CDH12: variants seen among roughly 807,000 people sequenced by gnomAD.
The protein encoded by CDH12 is cadherin 12, also known as cadherin-12.
A neutral mutation model predicts 74.1 loss-of-function variants in CDH12; 41 were observed. The ratio of observed to expected loss-of-function variants is 0.55; its 90% CI spans 0.43 to 0.72. The LOEUF (loss-of-function observed/expected upper bound fraction) is 0.72. CDH12 is among the 30% of genes least tolerant of loss of function. The pLI, the probability that CDH12 is intolerant of heterozygous loss-of-function variation, is 0.00. For synonymous variants in CDH12, 399 were observed against 355.0 expected (o/e 1.12, Z -1.39); for missense variants, 945 against 977.2 (o/e 0.97, Z 0.44).
intron 3 of CDH12, among the ~76,000 whole-genome samples, chr5:22,320,109 G>A (rs1469278065): frequency 2.6e-5 from 4 of 152,132 alleles, no homozygotes; most frequent in African/African-American, 7.2e-5. Flanking sequence ...GAGGGTTTGA[G>A]ATTTGTTCCC....
At chr5:22,327,334 T>C (rs1407360255) in intron 3 of CDH12, among the ~76,000 whole-genome samples, 1 of 152,150 alleles carries the variant, frequency 6.6e-6, no homozygotes, top group Non-Finnish European at 1.5e-5. Flanking sequence ...ATTAAAATGG[T>C]AATTTTTTTC....
chr5:22,308,747 C>T (rs1738235293), intron 3 of CDH12, among the ~76,000 whole-genome samples: 1 of 151,608 alleles, frequency 6.6e-6, no homozygotes, highest in African/African-American at 2.4e-5. Flanking sequence ...GGAACTAGGA[C>T]ATGGACACCA....
At chr5:22,258,698 A>C (rs1014606250) in intron 3 of CDH12, among the ~76,000 whole-genome samples, 7 of 152,100 alleles carry the variant, frequency 4.6e-5, no homozygotes, top group African/African-American at 1.7e-4. Context: ...TATTTACTGT[A>C]TCTTCTCTAT....
At chr5:21,981,189 T>C (rs6898840) in intron 5 of CDH12, among the ~76,000 whole-genome samples, 39,541 of 152,036 alleles carry the variant, frequency 0.26, 7,616 homozygotes, top group African/African-American at 0.54. Flanking sequence ...ACTGTACCAC[T>C]GTTTATTCTC....
At chr5:21,772,575 A>C (rs1203662174) in intron 11 of CDH12, among the ~76,000 whole-genome samples, 1 of 152,188 alleles carries the variant, frequency 6.6e-6, no homozygotes, top group African/African-American at 2.4e-5. Context: ...TGCCTGGCCC[A>C]AATAGAATCT....
At chr5:22,482,715 C>T (rs192086106) in intron 2 of CDH12, among the ~76,000 whole-genome samples, 99 of 152,140 alleles carry the variant, frequency 6.5e-4, no homozygotes, top group Middle Eastern at 3.4e-3. Context: ...CTTGATTATG[C>T]CTCATATTCT....
chr5:21,833,486 A>C (rs1749340485), intron 8 of CDH12, among the ~76,000 whole-genome samples: 1 of 134,780 alleles, frequency 7.4e-6, no homozygotes, highest in Admixed American at 8.5e-5. Context: ...CATATATTAT[A>C]TATCATATGT....
At chr5:22,657,279 G>C (rs1240395436) in intron 1 of CDH12, among the ~76,000 whole-genome samples, 1 of 152,136 alleles carries the variant, frequency 6.6e-6, no homozygotes, top group Non-Finnish European at 1.5e-5. Context: ...GTACGAGGAT[G>C]CTTCGCTTCA....
chr5:22,359,124 C>A (rs1740688232), intron 3 of CDH12, among the ~76,000 whole-genome samples: 2 of 152,052 alleles, frequency 1.3e-5, no homozygotes, highest in Non-Finnish European at 2.9e-5. Context: ...AATTAAAAGA[C>A]ACAGACTGGC....
intron 8 of CDH12, among the ~76,000 whole-genome samples, chr5:21,833,051 TTA>T (rs1491257277): frequency 2.4e-5 from 2 of 84,422 alleles, no homozygotes; most frequent in East Asian, 3.4e-4. Flanking sequence ...ATAATATATA[TTA>T]TATGTTATAT....
chr5:22,150,700 G>A (rs980814186), intron 4 of CDH12, among the ~76,000 whole-genome samples: 1 of 152,078 alleles, frequency 6.6e-6, no homozygotes, highest in Non-Finnish European at 1.5e-5. Flanking sequence ...TTGTTAATAG[G>A]TAATGCCCCA....
chr5:22,066,016 CAG>C (rs1250339150), intron 5 of CDH12, among the ~76,000 whole-genome samples: 1 of 152,106 alleles, frequency 6.6e-6, no homozygotes, highest in Non-Finnish European at 1.5e-5. Context: ...ATCATAAAAA[CAG>C]AGAGTCCTTG....
chr5:21,925,580 C>T (rs1579971375), intron 6 of CDH12, among the ~76,000 whole-genome samples: 1 of 152,122 alleles, frequency 6.6e-6, no homozygotes, highest in Non-Finnish European at 1.5e-5. Flanking sequence ...GGAAGTAACA[C>T]TATCAGTTAT....
At chr5:22,221,291 T>A (rs754682346) in intron 3 of CDH12, among the ~76,000 whole-genome samples, 2 of 151,976 alleles carry the variant, frequency 1.3e-5, no homozygotes, top group Non-Finnish European at 2.9e-5. Flanking sequence ...GTCACCCAAC[T>A]TCATCATTTA....
chr5:22,619,048 T>C (rs1486835926), intron 1 of CDH12, among the ~76,000 whole-genome samples: 1 of 152,150 alleles, frequency 6.6e-6, no homozygotes, highest in African/African-American at 2.4e-5. Context: ...AAGTATGTCT[T>C]TATTAGTAGC....
At chr5:22,810,819 A>G (rs1410038680) in intron 1 of CDH12, among the ~76,000 whole-genome samples, 1 of 152,116 alleles carries the variant, frequency 6.6e-6, no homozygotes, top group Non-Finnish European at 1.5e-5. Flanking sequence ...GAAGTTTGAG[A>G]GTGCAGTGGG....
intron 6 of CDH12, among the ~76,000 whole-genome samples, chr5:21,861,512 T>C (rs569398339): frequency 6.6e-6 from 1 of 152,256 alleles, no homozygotes; most frequent in Admixed American, 6.6e-5. Context: ...TGATTAAATT[T>C]TGTTGTTTTC....
intron 2 of CDH12, among the ~76,000 whole-genome samples, chr5:22,424,021 A>C (rs1353799427): frequency 6.7e-6 from 1 of 149,570 alleles, no homozygotes; most frequent in African/African-American, 2.4e-5. Context: ...AAAAAAAAAA[A>C]AAAAAAGAAA....
At chr5:22,029,473 A>G (rs1322374701) in intron 5 of CDH12, among the ~76,000 whole-genome samples, 1 of 151,208 alleles carries the variant, frequency 6.6e-6, no homozygotes, top group Admixed American at 6.6e-5. Context: ...GACACTTCTC[A>G]AAAGAAGACA....
Sources: gnomAD v4.1 joint callset for allele counts (sites outside exome capture counted in the v4.1 genomes callset) on GRCh38, gnomAD v4.1.1 for gene constraint, MANE v1.5 for transcripts, NCBI Gene and HGNC (gene_info 2026-07-23, HGNC 2026-07-21) for gene names.